The following PLD5 variants were observed in gnomAD, a reference collection of about 807,000 sequenced individuals.
PLD5 encodes inactive phospholipase D5.
A neutral mutation model predicts 61.1 loss-of-function variants in PLD5; 36 were observed. The ratio of observed to expected loss-of-function variants is 0.59; its 90% CI spans 0.45 to 0.78. The LOEUF (loss-of-function observed/expected upper bound fraction) is 0.78, where lower values mean the gene tolerates loss of function less well. Among genes scored for constraint, PLD5 ranks in the 30% least tolerant of loss-of-function variants. PLD5 has a pLI of 0.00. For missense variants in PLD5, 515 were observed against 644.4 expected, an observed-to-expected ratio of 0.80 and a Z score of 2.17; for synonymous variants, 243 against 242.8, an observed-to-expected ratio of 1.00 and a Z score of -0.01.
intron 8 of PLD5, among the ~76,000 whole-genome samples, chr1:242,102,762 T>G (rs553411360): frequency 1.6e-4 from 25 of 152,366 alleles, no homozygotes; most frequent in African/African-American, 6.0e-4. Context: ...ATAAGCTTCT[T>G]GCCCATCTAG....
intron 1 of PLD5, among the ~76,000 whole-genome samples, chr1:242,392,677 C>A (rs1386165541): frequency 6.6e-6 from 1 of 152,162 alleles, no homozygotes; most frequent in Non-Finnish European, 1.5e-5. Flanking sequence ...GAGCCTGCTA[C>A]TTCAATGGCT....
intron 1 of PLD5, among the ~76,000 whole-genome samples, chr1:242,514,980 C>G (rs780560941): frequency 6.6e-6 from 1 of 152,122 alleles, no homozygotes; most frequent in Admixed American, 6.6e-5. Context: ...GGGCACTGTA[C>G]GCATTTTATT....
intron 3 of PLD5, among the ~76,000 whole-genome samples, chr1:242,281,174 AAATGAATCG>A (rs1226904226): frequency 6.6e-6 from 1 of 152,256 alleles, no homozygotes; most frequent in African/African-American, 2.4e-5. Context: ...TATCATTTAC[AAATGAATCG>A]TAAGGATGGC....
At chr1:242,250,931 G>A (rs1230488284) in intron 4 of PLD5, among the ~76,000 whole-genome samples, 1 of 152,210 alleles carries the variant, frequency 6.6e-6, no homozygotes, top group Non-Finnish European at 1.5e-5. Flanking sequence ...ACATGTAGAA[G>A]TGCAGACTGA....
intron 1 of PLD5, among the ~76,000 whole-genome samples, chr1:242,433,854 C>T (rs892398989): frequency 6.6e-6 from 1 of 152,126 alleles, no homozygotes; most frequent in Non-Finnish European, 1.5e-5. Context: ...ATGCAGAGGT[C>T]CTGAGACCAG....
rs139345187 is a variant in PLD5, at chr1:242,310,838, G to A, written c.327-22308C>T. Among the ~76,000 whole-genome samples the A allele has an allele frequency of 5.8e-3, 878 of 152,268 alleles. 14 individuals carry two copies. Among genetic ancestry groups the A allele is most frequent in the African/African-American group, 0.02 (835 of 41,558 alleles). On this transcript the variant is annotated intron_variant, in intron 2 of 9. Coordinates refer to ENST00000536534, the MANE Select transcript of PLD5 (RefSeq NM_001372062.1). ...GGGAAGAAACCAAGGCAAAGAGAGA[G>A]CTCATTGCTTTTCAAGGTAGCAAGG... is the stretch of plus-strand genomic sequence containing the variant.
intron 5 of PLD5, among the ~76,000 whole-genome samples, chr1:242,181,947 G>C (rs1667547835): frequency 6.6e-6 from 1 of 152,108 alleles, no homozygotes; most frequent in South Asian, 2.1e-4. Flanking sequence ...AATCTTCAGT[G>C]GTCCTTCACT....
At chr1:242,219,172 A>G (rs1201196099) in intron 5 of PLD5, among the ~76,000 whole-genome samples, 1 of 152,236 alleles carries the variant, frequency 6.6e-6, no homozygotes. Context: ...GCAATGCTTT[A>G]TGTCACACTG....
At position 242,475,422 on chromosome 1, in the gene PLD5, C is replaced by CAAAAAA. The variant is rs5782239; in HGVS notation, c.189+48660_189+48665dup. On this transcript the variant is annotated intron_variant, in intron 1 of 9. Coordinates refer to ENST00000536534, the MANE Select transcript of PLD5 (RefSeq NM_001372062.1). ...TGGGCGACAGAGCGAGACTCCGTCT[C>CAAAAAA]AAAAAAAAAAAAAAAAAAAGAAAAC... Among the ~76,000 whole-genome samples the CAAAAAA allele has an allele frequency of 4.6e-3, 418 of 91,248 alleles. 5 individuals carry two copies. The highest frequency in any genetic ancestry group is 0.016 in the African/African-American group (398 of 24,518). 59.9% of individuals were successfully genotyped at this position (91,248 alleles called of 152,430 possible).
In PLD5 at chr1:242,328,852, G is replaced by C. The variant is rs10926687; in HGVS notation, c.326+19254C>G. The stretch of plus-strand genomic sequence containing the variant: ...ATCATTGGCAAGACAGAATTTCTGC[G>C]TTAGAGCAACTTTCTGTCTCACTTG... On this transcript the variant is annotated intron_variant, in intron 2 of 9. Coordinates refer to ENST00000536534, the MANE Select transcript of PLD5 (RefSeq NM_001372062.1). Among the ~76,000 whole-genome samples the C allele has an allele frequency of 8.6e-3, 1,310 of 152,250 alleles. 12 individuals carry two copies. The highest frequency in any genetic ancestry group is 0.029 in the African/African-American group (1,212 of 41,542).
chr1:242,244,321 G>A (rs1051875923), intron 4 of PLD5, among the ~76,000 whole-genome samples: 15 of 152,202 alleles, frequency 9.9e-5, no homozygotes, highest in African/African-American at 3.4e-4. Context: ...AGGAAGAGGT[G>A]ATCCAGGAAG....
chr1:242,090,421 A>T (rs1659727306), intron 9 of PLD5, among the ~76,000 whole-genome samples: 1 of 152,246 alleles, frequency 6.6e-6, no homozygotes, highest in African/African-American at 2.4e-5. Flanking sequence ...ATACAGCAAC[A>T]TTTAAAATAT....
At chr1:242,200,640 A>G (rs1668927931) in intron 5 of PLD5, among the ~76,000 whole-genome samples, 1 of 122,478 alleles carries the variant, frequency 8.2e-6, no homozygotes, top group Admixed American at 9.7e-5. Context: ...CAAAAAAAAA[A>G]AATGTGTTGC....
intron 1 of PLD5, among the ~76,000 whole-genome samples, chr1:242,409,645 A>G (rs1173898245): frequency 6.6e-6 from 1 of 152,166 alleles, no homozygotes; most frequent in Non-Finnish European, 1.5e-5. Context: ...AACCCCAGAG[A>G]GGAAACCAGC....
intron 1 of PLD5, among the ~76,000 whole-genome samples, chr1:242,374,448 C>T (rs998488213): frequency 6.6e-6 from 1 of 152,108 alleles, no homozygotes; most frequent in South Asian, 2.1e-4. Context: ...GAGAAGCAAA[C>T]ATTTTTCTTT....
intron 5 of PLD5, among the ~76,000 whole-genome samples, chr1:242,175,535 G>T (rs12082716): frequency 0.088 from 13,385 of 152,192 alleles, 745 homozygotes; most frequent in African/African-American, 0.16. Flanking sequence ...TTGAAAACCA[G>T]CATAAGACAA....
intron 4 of PLD5, among the ~76,000 whole-genome samples, chr1:242,233,334 A>C (rs755471012): frequency 1.3e-5 from 2 of 152,198 alleles, no homozygotes; most frequent in African/African-American, 2.4e-5. Context: ...GCTACCAAGT[A>C]AGGTGAGACC....
At chr1:242,138,364 G>C (rs1237356117) in intron 5 of PLD5, among the ~76,000 whole-genome samples, 1 of 152,050 alleles carries the variant, frequency 6.6e-6, no homozygotes, top group Non-Finnish European at 1.5e-5. Context: ...AGCAGAATCT[G>C]ATAAGCAGCT....
intron 3 of PLD5, among the ~76,000 whole-genome samples, chr1:242,274,693 G>T (rs1311205649): frequency 1.3e-5 from 2 of 152,086 alleles, no homozygotes; most frequent in Non-Finnish European, 2.9e-5. Flanking sequence ...AGCGGGGGTT[G>T]CAGTGAGCTG....
Sources: allele counts gnomAD v4.1 joint callset (sites outside exome capture counted in the v4.1 genomes callset), GRCh38; gene constraint gnomAD v4.1.1; transcripts MANE v1.5; gene names NCBI Gene and HGNC (gene_info 2026-07-23, HGNC 2026-07-21).